ANKRD50: variants seen among roughly 807,000 people sequenced by gnomAD.
ANKRD50 encodes the protein ankyrin repeat domain 50.
ANKRD50 carries 40 observed loss-of-function variants against 112.0 expected under a neutral mutation model. The observed-to-expected ratio is 0.36, with a 90% confidence interval of 0.28 to 0.46. The LOEUF is 0.46. Among genes scored for constraint, ANKRD50 ranks in the 20% least tolerant of loss-of-function variants. The pLI, the probability that ANKRD50 is intolerant of heterozygous loss-of-function variation, is 1.00. For missense variants in ANKRD50, 1,487 were observed against 1,701.7 expected (o/e 0.87, Z 2.22); for synonymous variants, 613 against 619.1 (o/e 0.99, Z 0.15).
chr4:124,670,890 A>G lies in ANKRD50; in HGVS notation c.2387T>C (p.Val796Ala). Residue 796 changes from valine to alanine, a missense_variant, in exon 4 of 5, where the codon GTT becomes GCT. Val to Ala is a moderately conservative substitution (Grantham distance 64, BLOSUM62 0). Transcript: ENST00000504087. ...ACCCCAAAACAAAAGTGTATTTACAACTGATGCATGACCCATAGACGCTGC... is the reference window on the plus strand; with the variant it reads ...ACCCCAAAACAAAAGTGTATTTACAGCTGATGCATGACCCATAGACGCTGC... ...LAAASMGHAS[V>A]VNTLLFWGAA... 2 of 1,613,832 alleles carry G rather than the reference A, an allele frequency of 1.2e-6. No homozygotes were observed. Among genetic ancestry groups the G allele is most frequent in the Non-Finnish European group, 8.5e-7 (1 of 1,179,870 alleles).
chr4:124,699,789 A>C (rs1725347438), intron 2 of ANKRD50, among the ~76,000 whole-genome samples: 1 of 151,946 alleles, frequency 6.6e-6, no homozygotes, highest in African/African-American at 2.4e-5. Flanking sequence ...AAAAAAAAAA[A>C]ACCATGGACT....
chr4:124,692,796 A>G (rs1725167595), intron 2 of ANKRD50, among the ~76,000 whole-genome samples: 1 of 152,222 alleles, frequency 6.6e-6, no homozygotes, highest in South Asian at 2.1e-4. Flanking sequence ...GAACCAAAAG[A>G]AAAATGCTGT....
chr4:124,688,379 T>C (rs1323341989), intron 2 of ANKRD50, among the ~76,000 whole-genome samples: 1 of 152,114 alleles, frequency 6.6e-6, no homozygotes, highest in Non-Finnish European at 1.5e-5. Flanking sequence ...AGGAGTTTAC[T>C]AAAAAGGACA....
Position 124,670,164 on chromosome 4 carries a change from A to G in ANKRD50, c.3113T>C (p.Val1038Ala). The G allele has an allele frequency of 6.2e-7, 1 of 1,611,800 alleles. No individual in the cohort carries two copies. The highest frequency in any genetic ancestry group is 8.5e-7 in the Non-Finnish European group (1 of 1,179,348). Residue 1038 changes from valine to alanine, a missense_variant, in exon 4 of 5, where the codon GTT becomes GCT. Transcript: ENST00000504087. The part of the protein sequence containing the change: ...VQLLIEHGAV[V>A]DHTCNQGATA... Reference sequence around the variant, plus strand: ...TGCACCTTGGTTACATGTATGGTCAACTACAGCACCATGCTCAATCAGAAG... The same window carrying G: ...TGCACCTTGGTTACATGTATGGTCAGCTACAGCACCATGCTCAATCAGAAG...
At chr4:124,674,502 T>C (rs947901109) in intron 3 of ANKRD50, among the ~76,000 whole-genome samples, 5 of 151,954 alleles carry the variant, frequency 3.3e-5, no homozygotes, top group Admixed American at 6.6e-5. Flanking sequence ...AGATAAATAT[T>C]TCTATTTTAA....
intron 2 of ANKRD50, among the ~76,000 whole-genome samples, chr4:124,684,719 T>C (rs887045285): frequency 3.9e-5 from 6 of 152,228 alleles, no homozygotes; most frequent in Admixed American, 3.9e-4. Flanking sequence ...AGGTCTCTCA[T>C]AGTTTCAAAA....
intron 3 of ANKRD50, among the ~76,000 whole-genome samples, chr4:124,672,792 T>G (rs1425812346): frequency 6.6e-6 from 1 of 152,026 alleles, no homozygotes; most frequent in Non-Finnish European, 1.5e-5. Flanking sequence ...CTCTCTCAAC[T>G]CCATTGTAAT....
In ANKRD50 at chr4:124,671,738, G is replaced by A. The variant is rs1326389714; in HGVS notation, c.1539C>T (p.Arg513=). The A allele has an allele frequency of 6.2e-7, 1 of 1,613,838 alleles. No individual in the cohort carries two copies. The highest frequency in any genetic ancestry group is 1.3e-5 in the African/African-American group (1 of 75,004). Residue 513 remains arginine, a synonymous_variant, in exon 4 of 5, where the codon CGC becomes CGT. Transcript: ENST00000504087. ...AGAHVNSEDD[R]TSCIVRQALE... is the part of the protein sequence containing the mutation. Reference sequence around the variant, plus strand: ...AGGCTTGTCGAACTATGCATGATGTGCGATCGTCTTCACTGTTGACATGAG... The same window carrying A: ...AGGCTTGTCGAACTATGCATGATGTACGATCGTCTTCACTGTTGACATGAG...
intron 3 of ANKRD50, among the ~76,000 whole-genome samples, chr4:124,678,103 T>C (rs377625303): frequency 2.6e-5 from 4 of 152,210 alleles, no homozygotes; most frequent in South Asian, 2.1e-4. Context: ...TTCAACATAC[T>C]GTAAAATGTA....
Position 124,671,763 on chromosome 4 carries a change from G to C in ANKRD50, c.1514C>G (p.Ala505Gly). Residue 505 changes from alanine to glycine, a missense_variant, in exon 4 of 5, where the codon GCT becomes GGT. Physicochemically the swap from Ala to Gly is moderately conservative, Grantham distance 60 (BLOSUM62 0). Transcript: ENST00000504087. ...EVLQLLVKAG[A>G]HVNSEDDRTS... ...GCGATCGTCTTCACTGTTGACATGAGCCCCAGCTTTAACCAACAGCTGTAG... is the reference window on the plus strand; with the variant it reads ...GCGATCGTCTTCACTGTTGACATGACCCCCAGCTTTAACCAACAGCTGTAG... 1.2e-6 allele frequency: 2 copies of C among 1,613,828 alleles called. No individual in the cohort carries two copies. The highest frequency in any genetic ancestry group is 1.7e-6 in the Non-Finnish European group (2 of 1,179,864).
intron 2 of ANKRD50, among the ~76,000 whole-genome samples, chr4:124,705,379 C>T (rs1725483005): frequency 6.6e-6 from 1 of 152,146 alleles, no homozygotes; most frequent in Non-Finnish European, 1.5e-5. Context: ...CAATTTTACT[C>T]CATTTACACT....
In ANKRD50 at chr4:124,670,384, A is replaced by C. The variant is rs755638166; in HGVS notation, c.2893T>G (p.Phe965Val). 1.9e-6 allele frequency: 3 copies of C among 1,613,884 alleles called. No homozygotes were observed. The highest frequency in any genetic ancestry group is 2.5e-6 in the Non-Finnish European group (3 of 1,179,894). ...LENQLTMAEYFLENGANVEAS... is the reference protein window; with the variant it reads ...LENQLTMAEYVLENGANVEAS... ...TCTACGTTTGCACCATTTTCTAAAA[A>C]ATATTCGGCCATTGTAAGCTGATTT... is the stretch of plus-strand genomic sequence containing the variant. Residue 965 changes from phenylalanine (F) to valine (V), a missense_variant, in exon 4 of 5, where the codon TTT becomes GTT. Coordinates refer to ENST00000504087, the MANE Select transcript of ANKRD50 (RefSeq NM_020337.3).
intron 2 of ANKRD50, among the ~76,000 whole-genome samples, chr4:124,687,421 A>C (rs1725032604): frequency 6.6e-6 from 1 of 152,202 alleles, no homozygotes; most frequent in Admixed American, 6.5e-5. Flanking sequence ...GTAAAACATA[A>C]AACTATAAAA....
chr4:124,692,027 GTTTA>G (rs1252437792), intron 2 of ANKRD50, among the ~76,000 whole-genome samples: 4 of 152,288 alleles, frequency 2.6e-5, no homozygotes, highest in Non-Finnish European at 4.4e-5. Flanking sequence ...ACCACACACA[GTTTA>G]TTTGTGTTCC....
Position 124,665,272 on chromosome 4 carries a change from G to C in ANKRD50, c.*2246C>G, listed in dbSNP as rs1730460364. The C allele has an allele frequency of 6.6e-6, 1 of 152,104 alleles. No homozygotes were observed. Among genetic ancestry groups the C allele is most frequent in the African/African-American group, 2.4e-5 (1 of 41,338 alleles). The allele number at this position is 152,104 out of a possible 1,614,324, so 9.4% of individuals were successfully genotyped here. ...AACATCCCGAGGAATACTTACTTTT[G>C]AAAATCGTATTTTTCCAATAGGTTC... On this transcript the variant is annotated 3_prime_UTR_variant, in exon 5 of 5. Transcript: ENST00000504087.
intron 2 of ANKRD50, among the ~76,000 whole-genome samples, chr4:124,688,562 A>G (rs1319289686): frequency 6.6e-6 from 1 of 152,226 alleles, no homozygotes; most frequent in East Asian, 1.9e-4. Flanking sequence ...TTGAAACGCA[A>G]AAGACATAGC....
rs776909289 is a variant in ANKRD50 at position 124,678,920 on chromosome 4, C to A, written c.513-15G>T. 9.1e-6 allele frequency: 14 copies of A among 1,543,306 alleles called. No individual in the cohort carries two copies. The East Asian group carries it at 2.7e-4, about 30-fold the overall frequency. ...GTAGAACACACCTGTAAAACACATA[C>A]ACATGAGCATTTTGAATGTTAAGTG... On this transcript the variant is annotated splice_polypyrimidine_tract_variant and intron_variant, in intron 2 of 4. Coordinates refer to ENST00000504087, the MANE Select transcript of ANKRD50 (RefSeq NM_020337.3).
intron 2 of ANKRD50, among the ~76,000 whole-genome samples, chr4:124,698,396 C>CAT (rs1371904066): frequency 1.3e-5 from 2 of 151,308 alleles, no homozygotes; most frequent in Non-Finnish European, 2.9e-5. Context: ...TTATTTATTA[C>CAT]ATATATATAC....
At chr4:124,708,639 C>T (rs1284603102) in intron 2 of ANKRD50, among the ~76,000 whole-genome samples, 1 of 151,618 alleles carries the variant, frequency 6.6e-6, no homozygotes, top group Non-Finnish European at 1.5e-5. Context: ...ACCTTCTAAA[C>T]CCCTCCTCTT....
Sources: allele counts gnomAD v4.1 joint callset (sites outside exome capture counted in the v4.1 genomes callset), GRCh38; gene constraint gnomAD v4.1.1; transcripts MANE v1.5; gene names NCBI Gene and HGNC (gene_info 2026-07-23, HGNC 2026-07-21).